SNAP47: variants seen among roughly 807,000 people sequenced by gnomAD.
SNAP47 encodes the protein synaptosome associated protein 47, also known as synaptosomal-associated protein 47.
SNAP47 carries 20 observed loss-of-function variants against 31.4 expected under a neutral mutation model. That is an observed-to-expected ratio of 0.64 (90% confidence interval 0.45 to 0.93). SNAP47 has a LOEUF of 0.93. Ranked by LOEUF, SNAP47 falls within the 40% of genes least tolerant of loss-of-function variation. SNAP47 has a pLI of 0.00. For synonymous variants in SNAP47, 194 were observed against 213.4 expected (o/e 0.91, Z 0.79); for missense variants, 492 against 528.5 (o/e 0.93, Z 0.68).
intron 2 of SNAP47, among the ~76,000 whole-genome samples, chr1:227,755,230 A>T: frequency 6.6e-6 from 1 of 151,758 alleles, no homozygotes; most frequent in East Asian, 1.9e-4. Flanking sequence ...TTGAGACAGG[A>T]TCTTACTCCG....
At chr1:227,736,556 A>G (rs1661194463) in intron 1 of SNAP47, 2 of 115,914 alleles carry the variant, frequency 1.7e-5, no homozygotes, top group Admixed American at 1.2e-4. Flanking sequence ...ATGCAGTGGC[A>G]CCATCACAGC....
At chr1:227,732,920 C>T, upstream of SNAP47, 2 of 1,613,064 alleles carry the variant, frequency 1.2e-6, no homozygotes, top group South Asian at 1.1e-5. Context: ...AGTCCCTCCA[C>T]TCGCTGACCT....
chr1:227,759,172 T>C lies in SNAP47; in HGVS notation c.675T>C (p.Val225=). 6.2e-7 allele frequency: 1 copy of C among 1,614,218 alleles called. No homozygotes were observed. Residue 225 remains valine (V), a synonymous_variant, in exon 3 of 5, where the codon GTT becomes GTC. Coordinates refer to ENST00000617596, the MANE Select transcript of SNAP47 (RefSeq NM_053052.4). The part of the protein sequence containing the change: ...AVISHRTESH[V]KPGRLTVLVS... Reference sequence around the variant, plus strand: ...TTTCCCACAGAACAGAGTCTCACGTTAAACCAGGGAGGCTCACCGTCCTTG... The same window carrying C: ...TTTCCCACAGAACAGAGTCTCACGTCAAACCAGGGAGGCTCACCGTCCTTG...
In SNAP47 at chr1:227,747,963, C is replaced by G. The variant is rs1428859642; in HGVS notation, c.227C>G (p.Ala76Gly). 3 of 1,614,126 alleles carry G rather than the reference C, an allele frequency of 1.9e-6. No homozygotes were observed. The highest frequency in any genetic ancestry group is 1.3e-5 in the African/African-American group (1 of 74,936). ...ATCACCATCCTGGAGAAGGGCCATG[C>G]CAAGCACTGGTTCAGCTCCCTGCGG... Reference protein sequence around the residue: ...SSITILEKGHAKHWFSSLRPS... With the variant: ...SSITILEKGHGKHWFSSLRPS... The change falls in exon 2 of 5, where the codon GCC becomes GGC. Residue 76 changes from alanine (A) to glycine (G), a missense_variant. Transcript: ENST00000617596.
chr1:227,755,822 G>A (rs532582674), intron 2 of SNAP47, among the ~76,000 whole-genome samples: 2 of 149,854 alleles, frequency 1.3e-5, no homozygotes, highest in South Asian at 4.6e-4. Context: ...CCACCAACCA[G>A]CAGAATGACG....
intron 2 of SNAP47, 94 bp downstream of exon 2, chr1:227,748,327 T>C: frequency 7.6e-7 from 1 of 1,324,096 alleles, no homozygotes; most frequent in Non-Finnish European, 1.0e-6. Context: ...CTGCACCATA[T>C]TTGCACACAT....
At chr1:227,743,400 C>A (rs1661746532) in intron 1 of SNAP47, among the ~76,000 whole-genome samples, 1 of 152,184 alleles carries the variant, frequency 6.6e-6, no homozygotes, top group Non-Finnish European at 1.5e-5. Flanking sequence ...CTGGCTGAGA[C>A]AGGTTCTCAC....
chr1:227,734,152 C>T, upstream of SNAP47: 1 of 1,160,448 alleles, frequency 8.6e-7, no homozygotes, highest in Non-Finnish European at 1.2e-6. Context: ...GCTGCAGCCC[C>T]CAAAGAGCCC....
At chr1:227,753,799 G>T (rs1218085726) in intron 2 of SNAP47, among the ~76,000 whole-genome samples, 1 of 151,984 alleles carries the variant, frequency 6.6e-6, no homozygotes, top group Non-Finnish European at 1.5e-5. Flanking sequence ...TGGCTTCAGT[G>T]CCCTGCTGCC....
chr1:227,765,463 G>T (rs1187683960), intron 3 of SNAP47, among the ~76,000 whole-genome samples: 1 of 152,206 alleles, frequency 6.6e-6, no homozygotes, highest in East Asian at 1.9e-4. Flanking sequence ...TTCAGAGAAG[G>T]GCTCCTCAGT....
chr1:227,746,037 A>T (rs1443192590), intron 1 of SNAP47: 1 of 152,288 alleles, frequency 6.6e-6, no homozygotes, highest in Non-Finnish European at 1.5e-5. Flanking sequence ...GTCACAGGGC[A>T]TTCAGTCAAG....
At chr1:227,757,933 A>G (rs1424138993) in intron 2 of SNAP47, among the ~76,000 whole-genome samples, 1 of 152,016 alleles carries the variant, frequency 6.6e-6, no homozygotes, top group East Asian at 1.9e-4. Context: ...TCCCCCCAGC[A>G]TACCCACTGA....
In SNAP47 at chr1:227,762,475, T is replaced by G. The variant is rs1184684111; in HGVS notation, c.988+2990T>G. Among the ~76,000 whole-genome samples the G allele has an allele frequency of 6.6e-6, 1 of 152,228 alleles. No individual in the cohort carries two copies. Among genetic ancestry groups the G allele is most frequent in the East Asian group, 1.9e-4 (1 of 5,186 alleles). On this transcript the variant is annotated intron_variant, in intron 3 of 4. Coordinates refer to ENST00000617596, the MANE Select transcript of SNAP47 (RefSeq NM_053052.4). This position sits in a 1 kb window ranked among gnomAD's most constrained non-coding sequence, Gnocchi z 4.2. ...GTTGTCCATGCGTAGGCACAGGGAC[T>G]CTGTGCCAGCTTCCCTGTGTTTACT... is the stretch of plus-strand genomic sequence containing the variant.
Position 227,780,530 on chromosome 1 carries a change from C to T in SNAP47, c.1117C>T (p.Leu373=). The T allele has an allele frequency of 6.2e-7, 1 of 1,613,986 alleles. No individual in the cohort carries two copies. Among genetic ancestry groups the T allele is most frequent in the Non-Finnish European group, 8.5e-7 (1 of 1,180,024 alleles). The change falls in exon 5 of 5, where the codon CTG becomes TTG. Residue 373 remains leucine (L), a synonymous_variant. Coordinates refer to ENST00000617596, the MANE Select transcript of SNAP47 (RefSeq NM_053052.4). ...EADTQELTQI[L]RRMKGLALEA... is the part of the protein sequence containing the mutation. ...GTGATCTTGTGCTTCTCCCCAGATCCTGAGGAGGATGAAGGGGCTGGCCCT... is the reference window on the plus strand; with the variant it reads ...GTGATCTTGTGCTTCTCCCCAGATCTTGAGGAGGATGAAGGGGCTGGCCCT...
Position 227,759,170 on chromosome 1 carries a change from G to A in SNAP47, c.673G>A (p.Val225Ile), listed in dbSNP as rs993769795. ...AVISHRTESH[V>I]KPGRLTVLVS... ...TATTTCCCACAGAACAGAGTCTCAC[G>A]TTAAACCAGGGAGGCTCACCGTCCT... The change falls in exon 3 of 5, where the codon GTT becomes ATT. Residue 225 changes from valine (V) to isoleucine (I), a missense_variant. Val to Ile is a conservative substitution (Grantham distance 29). Coordinates refer to ENST00000617596, the MANE Select transcript of SNAP47 (RefSeq NM_053052.4). The A allele has an allele frequency of 5.6e-6, 9 of 1,614,074 alleles. No individual in the cohort carries two copies. The highest frequency in any genetic ancestry group is 2.2e-5 in the East Asian group (1 of 44,894).
chr1:227,750,686 C>T (rs1005107879), intron 2 of SNAP47, among the ~76,000 whole-genome samples: 1 of 152,202 alleles, frequency 6.6e-6, no homozygotes, highest in Non-Finnish European at 1.5e-5. Context: ...TGGGGATATT[C>T]GCAGAGGACT....
At position 227,780,830 on chromosome 1, in the gene SNAP47, C is replaced by T. The variant is rs970199788; in HGVS notation, c.*157C>T. 6 of 1,034,226 alleles carry T rather than the reference C, an allele frequency of 5.8e-6. No homozygotes were observed. The African/African-American group carries it at 9.7e-5, about 17-fold the overall frequency. 64.1% of individuals were successfully genotyped at this position (1,034,226 alleles called of 1,614,324 possible). On this transcript the variant is annotated 3_prime_UTR_variant, in exon 5 of 5. Coordinates refer to ENST00000617596, the MANE Select transcript of SNAP47 (RefSeq NM_053052.4). ...GGGGCTGCTTCTGCACCAGGGGCCT[C>T]CCCAGGTGTGCACCATGCCTGCCTC...
chr1:227,733,143 C>T, upstream of SNAP47: 1 of 1,162,014 alleles, frequency 8.6e-7, no homozygotes, highest in South Asian at 1.4e-5. Context: ...CCAAGAGGGC[C>T]CTCCTGTCTC....
intron 4 of SNAP47, among the ~76,000 whole-genome samples, chr1:227,769,607 G>T (rs2102983435): frequency 6.6e-6 from 1 of 152,248 alleles, no homozygotes; most frequent in Non-Finnish European, 1.5e-5. Flanking sequence ...TGCAACTGGG[G>T]GTGCTCAGGA....
Sources: gnomAD v4.1 joint callset for allele counts (sites outside exome capture counted in the v4.1 genomes callset) on GRCh38, gnomAD v4.1.1 for gene constraint, Gnocchi (gnomAD v3.1) non-coding constraint, MANE v1.5 for transcripts, NCBI Gene and HGNC (gene_info 2026-07-23, HGNC 2026-07-21) for gene names.